The following DPYD variants were observed in gnomAD, a reference collection of about 807,000 sequenced individuals.
The protein encoded by DPYD is dihydropyrimidine dehydrogenase, also known as dihydropyrimidine dehydrogenase [NADP(+)].
DPYD carries 109 observed loss-of-function variants against 116.2 expected under a neutral mutation model. That is an observed-to-expected ratio of 0.94 (90% CI 0.80 to 1.10). The LOEUF is 1.10. Ranked by LOEUF, DPYD falls within the 50% of genes least tolerant of loss-of-function variation. The probability of loss-of-function intolerance (pLI) is 0.00; values close to 1 mark genes in which losing one functional copy is unlikely to be tolerated. For missense variants in DPYD, 1,302 were observed against 1,254.5 expected, an observed-to-expected ratio of 1.04 and a Z score of -0.57; for synonymous variants, 440 against 432.0, an observed-to-expected ratio of 1.02 and a Z score of -0.23.
At chr1:97,385,804 A>T (rs1417250716) in intron 14 of DPYD, among the ~76,000 whole-genome samples, 1 of 152,134 alleles carries the variant, frequency 6.6e-6, no homozygotes, top group East Asian at 1.9e-4. Context: ...TGACAGTAGG[A>T]TAAGATATAT....
intron 7 of DPYD, among the ~76,000 whole-genome samples, chr1:97,684,510 G>A (rs1386152043): frequency 1.3e-5 from 2 of 151,506 alleles, no homozygotes; most frequent in African/African-American, 4.9e-5. Context: ...GAAGGAGATA[G>A]AGACACGAAA....
At chr1:97,318,966 T>C (rs1406590547) in intron 16 of DPYD, among the ~76,000 whole-genome samples, 10 of 118,132 alleles carry the variant, frequency 8.5e-5, no homozygotes, top group African/African-American at 3.3e-4. Context: ...CTGAACAACC[T>C]GCTCCTGAAT....
intron 2 of DPYD, among the ~76,000 whole-genome samples, chr1:97,873,719 A>G (rs1297109836): frequency 6.6e-6 from 1 of 151,994 alleles, no homozygotes; most frequent in African/African-American, 2.4e-5. Flanking sequence ...CCACCAGAAT[A>G]TAAGTTTTGG....
chr1:97,118,964 TATA>T (rs1443136628), intron 20 of DPYD, among the ~76,000 whole-genome samples: 2 of 152,230 alleles, frequency 1.3e-5, no homozygotes. Context: ...GATACAATAA[TATA>T]ATAATATTTA....
At chr1:97,596,281 A>G (rs1654879597) in intron 8 of DPYD, among the ~76,000 whole-genome samples, 1 of 152,172 alleles carries the variant, frequency 6.6e-6, no homozygotes, top group African/African-American at 2.4e-5. Flanking sequence ...ATTAATATAA[A>G]CCATGTAATC....
In DPYD at chr1:97,173,287, T is replaced by C. The variant is rs549122052; in HGVS notation, c.2622+19782A>G. On this transcript the variant is annotated intron_variant, in intron 20 of 22. Coordinates refer to ENST00000370192, the MANE Select transcript of DPYD (RefSeq NM_000110.4). ...ATATGTACATATATATGCACACATA[T>C]ATGTACACATATGTACATATATATG... Among the ~76,000 whole-genome samples, 728 of 128,596 alleles carry C rather than the reference T, an allele frequency of 5.7e-3. 8 individuals carry two copies. Among genetic ancestry groups the C allele is most frequent in the African/African-American group, 0.022 (701 of 32,266 alleles). The allele number at this position is 128,596 out of a possible 152,430, so 84.4% of individuals were successfully genotyped here.
intron 11 of DPYD, among the ~76,000 whole-genome samples, chr1:97,569,205 A>T (rs187637698): frequency 1.1e-4 from 17 of 152,010 alleles, no homozygotes; most frequent in African/African-American, 3.6e-4. Context: ...AACTAACAGA[A>T]ATTTGGGCCC....
chr1:97,586,632 G>C (rs1002035231), intron 10 of DPYD, among the ~76,000 whole-genome samples: 1 of 150,700 alleles, frequency 6.6e-6, no homozygotes, highest in Admixed American at 6.6e-5. Flanking sequence ...TCAGAATTTT[G>C]AAAATAGTTA....
rs180763196 is a variant in DPYD at position 97,335,361 on chromosome 1, G to C, written c.2059-29064C>G. Among the ~76,000 whole-genome samples the C allele has an allele frequency of 3.7e-3, 557 of 150,296 alleles. 1 individual carries two copies. Among genetic ancestry groups the C allele is most frequent in the Non-Finnish European group, 6.1e-3 (416 of 67,700 alleles). On this transcript the variant is annotated intron_variant, in intron 16 of 22. Coordinates refer to ENST00000370192, the MANE Select transcript of DPYD (RefSeq NM_000110.4). ...ACACACACACGATGCCTGGGATCCA[G>C]AATTCCTGAAGAATCTCAGGAAAAA...
intron 1 of DPYD, among the ~76,000 whole-genome samples, chr1:97,914,705 G>A (rs755149510): frequency 5.3e-5 from 8 of 152,214 alleles, no homozygotes; most frequent in South Asian, 4.1e-4. Context: ...CAGTGGGCTC[G>A]CAGTACAACA....
chr1:97,115,021 C>T (rs1651865710), intron 20 of DPYD, among the ~76,000 whole-genome samples: 1 of 152,128 alleles, frequency 6.6e-6, no homozygotes, highest in Admixed American at 6.6e-5. Context: ...TTACCTCTTC[C>T]TTCCAAGTTT....
chr1:97,587,054 G>T (rs1170419907), intron 10 of DPYD, among the ~76,000 whole-genome samples: 1 of 152,258 alleles, frequency 6.6e-6, no homozygotes, highest in Non-Finnish European at 1.5e-5. Flanking sequence ...ACTCAGACTA[G>T]AATGTAAATC....
At chr1:97,310,953 G>T (rs1345991567) in intron 16 of DPYD, among the ~76,000 whole-genome samples, 1 of 151,586 alleles carries the variant, frequency 6.6e-6, no homozygotes, top group Non-Finnish European at 1.5e-5. Context: ...CCACAACTTG[G>T]AATTAATAAA....
chr1:97,156,069 T>C (rs774754396), intron 20 of DPYD, among the ~76,000 whole-genome samples: 34 of 152,332 alleles, frequency 2.2e-4, no homozygotes, highest in Middle Eastern at 6.8e-3. Flanking sequence ...ATAATTCCAG[T>C]TGGTACAAAT....
intron 3 of DPYD, among the ~76,000 whole-genome samples, chr1:97,774,466 A>G (rs1367188040): frequency 6.6e-6 from 1 of 152,204 alleles, no homozygotes; most frequent in Non-Finnish European, 1.5e-5. Context: ...AGGTAAAATG[A>G]GCATTTCACT....
rs147793979 is a variant in DPYD, at chr1:97,456,644, T to C, written c.1741-6421A>G. Among the ~76,000 whole-genome samples the C allele has an allele frequency of 2.0e-5, 3 of 152,192 alleles. No homozygotes were observed. In the East Asian group the frequency reaches 5.8e-4, roughly 29 times the overall value. On this transcript the variant is annotated intron_variant, in intron 13 of 22. Transcript: ENST00000370192. ...CTATGTCTGGCAGGATAAAATTAAT[T>C]AGGATTCACACAGATGCTCAGGTAA...
At chr1:97,810,805 T>C (rs1333481111) in intron 3 of DPYD, among the ~76,000 whole-genome samples, 1 of 152,192 alleles carries the variant, frequency 6.6e-6, no homozygotes, top group African/African-American at 2.4e-5. Context: ...TTATTTTACA[T>C]ACTTACCTAG....
At chr1:97,413,900 A>G (rs1557695817) in intron 14 of DPYD, among the ~76,000 whole-genome samples, 1 of 152,128 alleles carries the variant, frequency 6.6e-6, no homozygotes, top group South Asian at 2.1e-4. Context: ...GCCAAGCCAG[A>G]GAGATTTATG....
intron 22 of DPYD, among the ~76,000 whole-genome samples, chr1:97,080,715 G>A (rs1248359135): frequency 6.6e-6 from 1 of 152,012 alleles, no homozygotes; most frequent in Non-Finnish European, 1.5e-5. Flanking sequence ...TAAGACTAAT[G>A]CTTAGAAATA....
Sources: gnomAD v4.1 joint callset for allele counts (sites outside exome capture counted in the v4.1 genomes callset) on GRCh38, gnomAD v4.1.1 for gene constraint, MANE v1.5 for transcripts, NCBI Gene and HGNC (gene_info 2026-07-23, HGNC 2026-07-21) for gene names.